Variants in GALNT18 observed in about 807,000 individuals in gnomAD.
The protein encoded by GALNT18 is polypeptide N-acetylgalactosaminyltransferase 18, also known as GalNAc-transferase 18.
A neutral mutation model predicts 69.5 loss-of-function variants in GALNT18; 44 were observed. The ratio of observed to expected loss-of-function variants is 0.63; its 90% CI spans 0.50 to 0.81. The LOEUF (loss-of-function observed/expected upper bound fraction) is 0.81, where lower values mean the gene tolerates loss of function less well. GALNT18 is among the 40% of genes least tolerant of loss of function. GALNT18 has a pLI of 0.00. For missense variants in GALNT18, 715 were observed against 810.0 expected, an observed-to-expected ratio of 0.88 and a Z score of 1.42; for synonymous variants, 364 against 318.2, an observed-to-expected ratio of 1.14 and a Z score of -1.53.
At chr11:11,319,911 C>T (rs185297248) in intron 9 of GALNT18, among the ~76,000 whole-genome samples, 11 of 152,306 alleles carry the variant, frequency 7.2e-5, no homozygotes, top group Middle Eastern at 6.8e-3. Context: ...ATTTAGTAAG[C>T]GATGACTGTG....
Position 11,454,242 on chromosome 11 carries a change from T to C in GALNT18, c.236-5306A>G, listed in dbSNP as rs562820982. Among the ~76,000 whole-genome samples the C allele has an allele frequency of 2.6e-5, 4 of 152,288 alleles. No homozygotes were observed. The highest frequency in any genetic ancestry group is 2.6e-4 in the Admixed American group (4 of 15,302). ...TGCAGTTAATTCCTCCCCAGTTCACTTAAGCAAATGATTGTGCACAGTTAC... is the reference window on the plus strand; with the variant it reads ...TGCAGTTAATTCCTCCCCAGTTCACCTAAGCAAATGATTGTGCACAGTTAC... On this transcript the variant is annotated intron_variant, in intron 1 of 10. Coordinates refer to ENST00000227756, the MANE Select transcript of GALNT18 (RefSeq NM_198516.3). The surrounding 1 kb of genome is among the most constrained non-coding windows in gnomAD (Gnocchi z 4.2).
chr11:11,476,407 C>G (rs755081697), intron 1 of GALNT18: 1 of 152,186 alleles, frequency 6.6e-6, no homozygotes, highest in Non-Finnish European at 1.5e-5. Context: ...CTCAGGTGAA[C>G]AGAGCTAGTT....
At chr11:11,327,253 AAAC>A (rs1849939370) in intron 8 of GALNT18, 72 bp from the exon 9 acceptor site, 2 of 1,118,558 alleles carry the variant, frequency 1.8e-6, no homozygotes, top group Middle Eastern at 2.0e-4. Flanking sequence ...AACTCTGGAG[AAAC>A]AAGTATTCTG....
In GALNT18 at chr11:11,586,431, A is replaced by T. The variant is rs1590120169; in HGVS notation, c.235+34928T>A. Among the ~76,000 whole-genome samples the T allele has an allele frequency of 2.0e-5, 3 of 152,308 alleles. No homozygotes were observed. In the East Asian group the frequency reaches 5.8e-4, roughly 29 times the overall value. ...GCATAAAGGAGTCCTAAGACCAAAAAGTTTGAAAACTTCTGGCTTAAACTA... is the reference window on the plus strand; with the variant it reads ...GCATAAAGGAGTCCTAAGACCAAAATGTTTGAAAACTTCTGGCTTAAACTA... On this transcript the variant is annotated intron_variant, in intron 1 of 10. Coordinates refer to ENST00000227756, the MANE Select transcript of GALNT18 (RefSeq NM_198516.3). The surrounding 1 kb of genome is among the most constrained non-coding windows in gnomAD (Gnocchi z 4.1).
intron 1 of GALNT18, among the ~76,000 whole-genome samples, chr11:11,527,022 C>T (rs1011848911): frequency 5.9e-5 from 9 of 152,100 alleles, no homozygotes; most frequent in Non-Finnish European, 1.2e-4. Context: ...AGGGAAGATG[C>T]TTTCTCATTT....
In GALNT18 at chr11:11,420,801, A is replaced by G. The variant is rs75539142; in HGVS notation, c.595+11820T>C. 7.9e-3 allele frequency among the ~76,000 whole-genome samples: 1,197 copies of G among 152,310 alleles called. 11 individuals are homozygous for G. Among genetic ancestry groups the G allele is most frequent in the African/African-American group, 0.028 (1,149 of 41,582 alleles). On this transcript the variant is annotated intron_variant, in intron 3 of 10. Transcript: ENST00000227756. ...GACAGCTTGATCCCAGTGGCTGGCA[A>G]CAGGGCCCCTCAGAGGGCAGGAGAA...
intron 6 of GALNT18, among the ~76,000 whole-genome samples, chr11:11,371,111 T>C (rs1230531806): frequency 6.6e-6 from 1 of 152,202 alleles, no homozygotes; most frequent in Non-Finnish European, 1.5e-5. Context: ...TGAATACAGA[T>C]GTCTGGAAGT....
chr11:11,579,520 C>T (rs1326747904), intron 1 of GALNT18, among the ~76,000 whole-genome samples: 1 of 152,162 alleles, frequency 6.6e-6, no homozygotes, highest in Non-Finnish European at 1.5e-5. Context: ...GTTTCTATCC[C>T]TGTCCTACCC....
At position 11,370,076 on chromosome 11, in the gene GALNT18, G is replaced by GA. The variant is rs35304812; in HGVS notation, c.1092+2438dup. On this transcript the variant is annotated intron_variant, in intron 6 of 10. Coordinates refer to ENST00000227756, the MANE Select transcript of GALNT18 (RefSeq NM_198516.3). Reference sequence around the variant, plus strand: ...GCCCCTAATTTCACAGTATCTTATGGAAAAAAAAAACCACTATTACAATAA... The same window carrying GA: ...GCCCCTAATTTCACAGTATCTTATGGAAAAAAAAAAACCACTATTACAATAA... Among the ~76,000 whole-genome samples the GA allele has an allele frequency of 2.7e-3, 403 of 149,722 alleles. 1 individual carries two copies. Among genetic ancestry groups the GA allele is most frequent in the African/African-American group, 8.0e-3 (329 of 41,046 alleles).
chr11:11,278,854 G>A (rs538989847), intron 10 of GALNT18, among the ~76,000 whole-genome samples: 1 of 152,196 alleles, frequency 6.6e-6, no homozygotes, highest in African/African-American at 2.4e-5. Context: ...AAGTAGAATT[G>A]GAATGTTTCT....
At chr11:11,376,053 G>C (rs969501198) in intron 5 of GALNT18, among the ~76,000 whole-genome samples, 2 of 152,200 alleles carry the variant, frequency 1.3e-5, no homozygotes, top group Non-Finnish European at 2.9e-5. Context: ...GCAGGACTTC[G>C]CAGGGAACAT....
At chr11:11,287,739 TCTA>T (rs1849219710) in intron 10 of GALNT18, among the ~76,000 whole-genome samples, 1 of 152,100 alleles carries the variant, frequency 6.6e-6, no homozygotes, top group African/African-American at 2.4e-5. Context: ...AACTGCCACT[TCTA>T]ATATTATGAA....
chr11:11,424,540 C>T (rs12576681), intron 3 of GALNT18, among the ~76,000 whole-genome samples: 62,896 of 152,056 alleles, frequency 0.41, 15,534 homozygotes, highest in East Asian at 0.81. Context: ...ACAAAATTGA[C>T]AGAATGACTA....
intron 9 of GALNT18, among the ~76,000 whole-genome samples, chr11:11,295,263 G>C (rs879762936): frequency 2.0e-5 from 3 of 152,134 alleles, no homozygotes; most frequent in Non-Finnish European, 4.4e-5. Context: ...CAACAGGAAA[G>C]AGACGGCCCA....
intron 1 of GALNT18, among the ~76,000 whole-genome samples, chr11:11,515,715 A>G (rs1366667435): frequency 6.6e-6 from 1 of 152,202 alleles, no homozygotes; most frequent in Non-Finnish European, 1.5e-5. Flanking sequence ...CTAACCAAAG[A>G]CCTGAACACG....
At chr11:11,275,371 C>T (rs1848921888) in intron 10 of GALNT18, among the ~76,000 whole-genome samples, 1 of 152,084 alleles carries the variant, frequency 6.6e-6, no homozygotes, top group Admixed American at 6.5e-5. Flanking sequence ...TATCCTTTAC[C>T]CACTTTTAGA....
In GALNT18 at chr11:11,584,593, G is replaced by C. The variant is rs1859169828; in HGVS notation, c.235+36766C>G. On this transcript the variant is annotated intron_variant, in intron 1 of 10. Transcript: ENST00000227756. The surrounding 1 kb of genome is among the most constrained non-coding windows in gnomAD (Gnocchi z 4.1). ...GAGCCGTTTGCCCCTTGAGATTCCT[G>C]AGGAGTGTGGAGAGCAAAGAAGCAA... 6.6e-6 allele frequency among the ~76,000 whole-genome samples: 1 copy of C among 152,166 alleles called. No individual in the cohort carries two copies. Among genetic ancestry groups the C allele is most frequent in the Non-Finnish European group, 1.5e-5 (1 of 68,034 alleles).
chr11:11,442,288 T>C (rs1280528702), intron 2 of GALNT18, among the ~76,000 whole-genome samples: 1 of 152,190 alleles, frequency 6.6e-6, no homozygotes, highest in African/African-American at 2.4e-5. Flanking sequence ...GGGGTTAGAT[T>C]GGGCCCAGCC....
intron 5 of GALNT18, among the ~76,000 whole-genome samples, chr11:11,373,870 T>A (rs1850970961): frequency 6.6e-6 from 1 of 152,208 alleles, no homozygotes; most frequent in South Asian, 2.1e-4. Flanking sequence ...CTGGAGGACT[T>A]GGTGGCAGTG....
Sources: gnomAD v4.1 joint callset for allele counts (sites outside exome capture counted in the v4.1 genomes callset) on GRCh38, gnomAD v4.1.1 for gene constraint, Gnocchi (gnomAD v3.1) non-coding constraint, MANE v1.5 for transcripts, NCBI Gene and HGNC (gene_info 2026-07-23, HGNC 2026-07-21) for gene names.